Variants in SLIT3 observed in about 807,000 individuals in gnomAD.
SLIT3 encodes the protein slit guidance ligand 3.
A neutral mutation model predicts 184.0 loss-of-function variants in SLIT3; 68 were observed. That is an observed-to-expected ratio of 0.37 (90% CI 0.30 to 0.45). The LOEUF (loss-of-function observed/expected upper bound fraction) is 0.45. Ranked by LOEUF, SLIT3 falls within the 20% of genes least tolerant of loss-of-function variation. SLIT3 has a pLI of 1.00. For synonymous variants in SLIT3, 831 were observed against 828.6 expected, an observed-to-expected ratio of 1.00 and a Z score of -0.05; for missense variants, 1,707 against 2,026.0, an observed-to-expected ratio of 0.84 and a Z score of 3.02.
At chr5:168,851,440 C>T (rs1374546805) in intron 5 of SLIT3, among the ~76,000 whole-genome samples, 1 of 151,202 alleles carries the variant, frequency 6.6e-6, no homozygotes, top group South Asian at 2.1e-4. Context: ...ACAACAATAA[C>T]AAAACAAACA....
intron 1 of SLIT3, among the ~76,000 whole-genome samples, chr5:169,295,601 G>A (rs1033393658): frequency 2.0e-5 from 3 of 152,314 alleles, no homozygotes; most frequent in East Asian, 1.9e-4. Flanking sequence ...ACCCACAGTC[G>A]TCTGTCTCCG....
At chr5:168,752,490 G>A (rs988071788) in intron 18 of SLIT3, 3 of 154,908 alleles carry the variant, frequency 1.9e-5, no homozygotes, top group Non-Finnish European at 4.2e-5. Context: ...CGCCTCCCGG[G>A]TTCCAGCAAC....
intron 6 of SLIT3, among the ~76,000 whole-genome samples, chr5:168,837,141 G>A (rs1031816138): frequency 6.6e-6 from 1 of 152,116 alleles, no homozygotes; most frequent in Non-Finnish European, 1.5e-5. Context: ...TATTCTAGGG[G>A]CTGAATGGAA....
intron 20 of SLIT3, among the ~76,000 whole-genome samples, chr5:168,724,813 C>T (rs1763057123): frequency 1.3e-5 from 2 of 152,086 alleles, no homozygotes; most frequent in Admixed American, 6.5e-5. Context: ...AAATAAAGCA[C>T]TCATTTTATA....
At chr5:168,970,574 A>G (rs60003976) in intron 4 of SLIT3, among the ~76,000 whole-genome samples, 6,040 of 152,230 alleles carry the variant, frequency 0.04, 157 homozygotes, top group Middle Eastern at 0.065. Flanking sequence ...TGACAGTTCC[A>G]AGGCAGATTT....
intron 4 of SLIT3, among the ~76,000 whole-genome samples, chr5:168,908,912 C>A (rs1240025968): frequency 6.6e-6 from 1 of 152,188 alleles, no homozygotes; most frequent in Non-Finnish European, 1.5e-5. Context: ...CCTTACAAGT[C>A]CATCATAAGA....
At chr5:168,699,238 C>T (rs556543198) in intron 27 of SLIT3, among the ~76,000 whole-genome samples, 193 of 152,292 alleles carry the variant, frequency 1.3e-3, no homozygotes, top group South Asian at 2.1e-3. Flanking sequence ...GACACGTGGG[C>T]GGGCGGGTTC....
intron 20 of SLIT3, among the ~76,000 whole-genome samples, chr5:168,728,181 TAG>T (rs1159120669): frequency 1.3e-5 from 2 of 151,878 alleles, no homozygotes; most frequent in Non-Finnish European, 2.9e-5. Flanking sequence ...GATGTGATTA[TAG>T]AGACCACTGA....
chr5:169,195,240 C>T (rs1581041748), intron 3 of SLIT3, among the ~76,000 whole-genome samples: 1 of 152,224 alleles, frequency 6.6e-6, no homozygotes, highest in East Asian at 1.9e-4. Flanking sequence ...GATTTTGCTC[C>T]CATTTCCCCC....
At chr5:168,785,537 A>G (rs575885800) in intron 12 of SLIT3, among the ~76,000 whole-genome samples, 1 of 152,332 alleles carries the variant, frequency 6.6e-6, no homozygotes, top group African/African-American at 2.4e-5. Flanking sequence ...TAGTACTGGA[A>G]TTTGGTGTGT....
intron 20 of SLIT3, among the ~76,000 whole-genome samples, chr5:168,731,553 CA>C (rs376976834): frequency 2.6e-5 from 4 of 151,310 alleles, no homozygotes; most frequent in South Asian, 2.1e-4. Context: ...TAAAAATTCT[CA>C]AAAAAAATAC....
intron 4 of SLIT3, among the ~76,000 whole-genome samples, chr5:168,925,125 T>A (rs1312189342): frequency 6.6e-6 from 1 of 152,140 alleles, no homozygotes; most frequent in Non-Finnish European, 1.5e-5. Flanking sequence ...CAGAAGCCAT[T>A]ATAGACAGTT....
chr5:169,156,046 C>T (rs1333010532), intron 4 of SLIT3, among the ~76,000 whole-genome samples: 2 of 152,240 alleles, frequency 1.3e-5, no homozygotes, highest in Non-Finnish European at 1.5e-5. Context: ...AGTTATTTTA[C>T]TTATTTTAAC....
chr5:169,111,971 T>G lies in SLIT3; in HGVS notation c.413+81508A>C, dbSNP rs916632575. On this transcript the variant is annotated intron_variant, in intron 4 of 35. Transcript: ENST00000519560. ...ACTTCAGCCAGGGGCTCAGTCCATG[T>G]GGAACTCTGGATCTAAACTCACACT... Among the ~76,000 whole-genome samples, 3 of 152,304 alleles carry G rather than the reference T, an allele frequency of 2.0e-5. 1 individual carries two copies. The East Asian group carries it at 5.8e-4, about 29-fold the overall frequency.
chr5:169,059,766 G>A (rs1758118498), intron 4 of SLIT3, among the ~76,000 whole-genome samples: 1 of 152,246 alleles, frequency 6.6e-6, no homozygotes, highest in Admixed American at 6.5e-5. Flanking sequence ...TGAAGGCTGA[G>A]GAGGAGCTGC....
chr5:169,262,076 G>A (rs1487088963), intron 1 of SLIT3, among the ~76,000 whole-genome samples: 1 of 152,200 alleles, frequency 6.6e-6, no homozygotes, highest in East Asian at 1.9e-4. Flanking sequence ...GCCTTGAGAT[G>A]AGATCACAAC....
intron 3 of SLIT3, among the ~76,000 whole-genome samples, chr5:169,215,819 A>G (rs1764416484): frequency 6.6e-6 from 1 of 152,242 alleles, no homozygotes; most frequent in Non-Finnish European, 1.5e-5. Context: ...CTTCTTTCCT[A>G]GAATGAAATT....
At chr5:168,992,839 C>G (rs1174816449) in intron 4 of SLIT3, among the ~76,000 whole-genome samples, 2 of 152,202 alleles carry the variant, frequency 1.3e-5, no homozygotes, top group African/African-American at 2.4e-5. Flanking sequence ...GCTGTGGTCT[C>G]AAATCCCAGG....
At chr5:168,713,681 G>T (rs1202459564) in intron 23 of SLIT3, among the ~76,000 whole-genome samples, 3 of 152,204 alleles carry the variant, frequency 2.0e-5, no homozygotes, top group Non-Finnish European at 2.9e-5. Flanking sequence ...TTCAACTGAA[G>T]TTAGCTTGCC....
Sources: gnomAD v4.1 joint callset for allele counts (sites outside exome capture counted in the v4.1 genomes callset) on GRCh38, gnomAD v4.1.1 for gene constraint, MANE v1.5 for transcripts, NCBI Gene and HGNC (gene_info 2026-07-23, HGNC 2026-07-21) for gene names.